Variants in VAV3 observed in about 807,000 individuals in gnomAD.
VAV3 encodes guanine nucleotide exchange factor VAV3.
Under a neutral mutation model 131.2 loss-of-function variants are expected in VAV3, and 94 were observed. That is an observed-to-expected ratio of 0.72 (90% CI 0.61 to 0.85). The LOEUF is 0.85. Among genes scored for constraint, VAV3 ranks in the 40% least tolerant of loss-of-function variants. The probability of loss-of-function intolerance (pLI) is 0.00; values close to 1 mark genes in which losing one functional copy is unlikely to be tolerated. For missense variants in VAV3, 939 were observed against 1,002.7 expected, an observed-to-expected ratio of 0.94 and a Z score of 0.86; for synonymous variants, 349 against 342.0, an observed-to-expected ratio of 1.02 and a Z score of -0.22.
chr1:107,718,837 T>C (rs1232738424), intron 15 of VAV3, among the ~76,000 whole-genome samples: 1 of 152,126 alleles, frequency 6.6e-6, no homozygotes, highest in East Asian at 1.9e-4. Flanking sequence ...CAAAACAGCA[T>C]GGTACTGGTA....
At chr1:107,867,579 G>C (rs1670056997) in intron 2 of VAV3, among the ~76,000 whole-genome samples, 1 of 152,146 alleles carries the variant, frequency 6.6e-6, no homozygotes, top group African/African-American at 2.4e-5. Context: ...CCTAAAAAAA[G>C]GTAGCCTTGG....
intron 25 of VAV3, among the ~76,000 whole-genome samples, chr1:107,595,665 T>G (rs561146058): frequency 6.6e-6 from 1 of 152,170 alleles, no homozygotes; most frequent in Non-Finnish European, 1.5e-5. Flanking sequence ...TTTGTTTGCA[T>G]GCTAATCTTT....
At position 107,942,219 on chromosome 1, in the gene VAV3, C is replaced by T. The variant is rs1428519471; in HGVS notation, c.204+22447G>A. ...TATTGCTATCCCAGGGTCACCAACA[C>T]TAGCCTAGTGAGATGATGAATATTT... On this transcript the variant is annotated intron_variant, in intron 1 of 26. Coordinates refer to ENST00000370056, the MANE Select transcript of VAV3 (RefSeq NM_006113.5). Among the ~76,000 whole-genome samples, 3 of 152,176 alleles carry T rather than the reference C, an allele frequency of 2.0e-5. No individual in the cohort carries two copies. In the East Asian group the frequency reaches 5.8e-4, roughly 29 times the overall value.
intron 15 of VAV3, among the ~76,000 whole-genome samples, chr1:107,735,443 AATAG>A (rs770264198): frequency 4.6e-5 from 7 of 152,208 alleles, no homozygotes; most frequent in African/African-American, 7.2e-5. Flanking sequence ...AAGATCACAA[AATAG>A]ATAGACCGCT....
chr1:107,617,100 A>C (rs1369021673), intron 21 of VAV3, among the ~76,000 whole-genome samples: 1 of 152,226 alleles, frequency 6.6e-6, no homozygotes, highest in African/African-American at 2.4e-5. Context: ...CATTATATAA[A>C]AAGTAATGTC....
chr1:107,890,757 A>T (rs190219671), intron 1 of VAV3, among the ~76,000 whole-genome samples: 1 of 152,176 alleles, frequency 6.6e-6, no homozygotes, highest in Non-Finnish European at 1.5e-5. Context: ...TAAATACCTT[A>T]ATTTCTGTGC....
In VAV3 at chr1:107,642,689, G is replaced by C. The variant is rs745842085; in HGVS notation, c.1844C>G (p.Pro615Arg). 2.5e-6 allele frequency: 4 copies of C among 1,613,272 alleles called. No homozygotes were observed. The South Asian group carries it at 4.4e-5, about 18-fold the overall frequency. ...GTPPPALHEG[P>R]PLQLQAGDTV... ...ATCCCCGGCCTGGAGCTGTAAAGGG[G>C]GTCCTTCATGCAGAGCTGGGGGTGG... Residue 615 changes from proline to arginine, a missense_variant, in exon 20 of 27, where the codon CCC becomes CGC. Transcript: ENST00000370056.
intron 1 of VAV3, among the ~76,000 whole-genome samples, chr1:107,890,772 C>A (rs952991814): frequency 4.6e-5 from 7 of 152,136 alleles, no homozygotes; most frequent in South Asian, 2.1e-4. Context: ...CTGTGCTCTG[C>A]AAATCTGCAC....
At chr1:107,592,163 C>T (rs1651018773) in intron 25 of VAV3, among the ~76,000 whole-genome samples, 1 of 152,070 alleles carries the variant, frequency 6.6e-6, no homozygotes, top group Non-Finnish European at 1.5e-5. Flanking sequence ...CTCCTTTAAT[C>T]TGAAACAGTT....
At position 107,642,740 on chromosome 1, in the gene VAV3, T is replaced by C; in HGVS notation, c.1793A>G (p.Gln598Arg). Residue 598 changes from glutamine (Q) to arginine (R), a missense_variant, in exon 20 of 27, where the codon CAG (glutamine) becomes CGG (arginine). Physicochemically the swap from Gln to Arg is conservative, Grantham distance 43. Transcript: ENST00000370056. ...KQVDPGLPKM[Q>R]VIRNYSGTPP... ...TGTTCCAGAATAGTTCCTAATGACCTGCATCTTTGGTAAACCTGAAAATAA... is the reference window on the plus strand; with the variant it reads ...TGTTCCAGAATAGTTCCTAATGACCCGCATCTTTGGTAAACCTGAAAATAA... The C allele has an allele frequency of 6.2e-7, 1 of 1,613,304 alleles. No individual in the cohort carries two copies. Among genetic ancestry groups the C allele is most frequent in the South Asian group, 1.1e-5 (1 of 91,056 alleles).
intron 25 of VAV3, among the ~76,000 whole-genome samples, chr1:107,583,637 A>G (rs951283010): frequency 2.0e-5 from 3 of 152,204 alleles, no homozygotes; most frequent in Non-Finnish European, 4.4e-5. Context: ...CCAAATCATG[A>G]GTGAACTCCC....
chr1:107,724,130 T>G lies in VAV3; in HGVS notation c.1503-19069A>C, dbSNP rs369230961. On this transcript the variant is annotated intron_variant, in intron 15 of 26. Transcript: ENST00000370056. Reference sequence around the variant, plus strand: ...AACAGCAACATTTTAATTAGGAAAATGGTATCTCCAATCATAGTATTTCAT... The same window carrying G: ...AACAGCAACATTTTAATTAGGAAAAGGGTATCTCCAATCATAGTATTTCAT... Among the ~76,000 whole-genome samples, 11 of 152,164 alleles carry G rather than the reference T, an allele frequency of 7.2e-5. No individual in the cohort carries two copies. The East Asian group carries it at 1.9e-3, about 27-fold the overall frequency.
intron 21 of VAV3, among the ~76,000 whole-genome samples, chr1:107,610,328 G>T (rs1329207707): frequency 6.6e-6 from 1 of 151,896 alleles, no homozygotes; most frequent in Non-Finnish European, 1.5e-5. Flanking sequence ...ACTTTTCCAA[G>T]ACCTTGGAAA....
At chr1:107,736,979 A>G (rs201830011) in intron 15 of VAV3, among the ~76,000 whole-genome samples, 1 of 152,194 alleles carries the variant, frequency 6.6e-6, no homozygotes, top group African/African-American at 2.4e-5. Flanking sequence ...AGTAACCAAA[A>G]CAGCATGGTA....
At chr1:107,883,601 T>C (rs1325026670) in intron 1 of VAV3, among the ~76,000 whole-genome samples, 2 of 152,120 alleles carry the variant, frequency 1.3e-5, no homozygotes, top group African/African-American at 4.8e-5. Context: ...GTTATATTAA[T>C]ATTTATAAAT....
intron 25 of VAV3, among the ~76,000 whole-genome samples, chr1:107,588,829 T>C (rs1650713368): frequency 6.6e-6 from 1 of 152,186 alleles, no homozygotes; most frequent in African/African-American, 2.4e-5. Context: ...AATCATCAAA[T>C]TATTGAATTT....
intron 1 of VAV3, among the ~76,000 whole-genome samples, chr1:107,923,849 C>T (rs1456781711): frequency 1.3e-5 from 2 of 152,170 alleles, no homozygotes; most frequent in East Asian, 1.9e-4. Context: ...CCCAAGGGGA[C>T]TCATTTGCCC....
intron 2 of VAV3, among the ~76,000 whole-genome samples, chr1:107,822,410 T>G (rs1398220832): frequency 1.3e-5 from 2 of 152,190 alleles, no homozygotes; most frequent in Admixed American, 6.5e-5. Flanking sequence ...ATCTCAGCAC[T>G]TTGGGAGGCC....
At chr1:107,612,224 G>A (rs1332871279) in intron 21 of VAV3, among the ~76,000 whole-genome samples, 1 of 150,982 alleles carries the variant, frequency 6.6e-6, no homozygotes, top group Admixed American at 6.6e-5. Context: ...GTCTATTTAT[G>A]TGTGCTTCTT....
Sources: allele counts gnomAD v4.1 joint callset (sites outside exome capture counted in the v4.1 genomes callset), GRCh38; gene constraint gnomAD v4.1.1; transcripts MANE v1.5; gene names NCBI Gene and HGNC (gene_info 2026-07-23, HGNC 2026-07-21).